Variants in CSMD1 observed in about 807,000 individuals in gnomAD.
CSMD1 encodes CUB and sushi domain-containing protein 1.
CSMD1 carries 213 observed loss-of-function variants against 417.5 expected under a neutral mutation model. The observed-to-expected ratio is 0.51, with a 90% confidence interval of 0.46 to 0.57. CSMD1 has a LOEUF of 0.57. Ranked by LOEUF, CSMD1 falls within the 20% of genes least tolerant of loss-of-function variation. The pLI is 0.00. For synonymous variants in CSMD1, 2,862 were observed against 1,736.8 expected, an observed-to-expected ratio of 1.65 and a Z score of -16.11; for missense variants, 6,923 against 4,529.7, an observed-to-expected ratio of 1.53 and a Z score of -15.17.
chr8:4,192,348 A>C (rs1230686144), intron 3 of CSMD1, among the ~76,000 whole-genome samples: 1 of 152,172 alleles, frequency 6.6e-6, no homozygotes, highest in Non-Finnish European at 1.5e-5. Context: ...TATAATCAGC[A>C]GTTCTTGGAT....
At chr8:4,709,687 GT>G (rs1406481294) in intron 1 of CSMD1, among the ~76,000 whole-genome samples, 12 of 152,274 alleles carry the variant, frequency 7.9e-5, no homozygotes, top group Admixed American at 2.6e-4. Context: ...TACTCTGAAG[GT>G]TTTCCACAGC....
At chr8:3,420,560 C>T (rs1044763624) in intron 12 of CSMD1, among the ~76,000 whole-genome samples, 1 of 151,284 alleles carries the variant, frequency 6.6e-6, no homozygotes, top group African/African-American at 2.4e-5. Flanking sequence ...CAGAAATGCT[C>T]TGTACTATCT....
rs1348374599 is a variant in CSMD1, at chr8:4,515,180, ACTTCT to A, written c.303-95120_303-95116del. 2.0e-5 allele frequency among the ~76,000 whole-genome samples: 3 copies of A among 152,306 alleles called. 1 individual carries two copies. The highest frequency in any genetic ancestry group is 7.2e-5 in the African/African-American group (3 of 41,570). On this transcript the variant is annotated intron_variant, in intron 2 of 69. Transcript: ENST00000635120. ...TGTCTGAGTTTAGGAACTGCTTCTA[ACTTCT>A]CTTCATTAAGTAGTTAAAAAATATT...
chr8:3,692,088 C>T (rs963702366), intron 7 of CSMD1, among the ~76,000 whole-genome samples: 9 of 152,184 alleles, frequency 5.9e-5, no homozygotes, highest in Non-Finnish European at 1.5e-5. Context: ...TCGCAATCAT[C>T]CTCTGACTCA....
intron 22 of CSMD1, among the ~76,000 whole-genome samples, chr8:3,347,186 G>C (rs557623199): frequency 6.6e-6 from 1 of 152,364 alleles, no homozygotes; most frequent in East Asian, 1.9e-4. Context: ...CCGCGGGTTG[G>C]ACAAGATAGT....
chr8:3,725,729 C>T (rs1802450108), intron 6 of CSMD1, among the ~76,000 whole-genome samples: 1 of 152,176 alleles, frequency 6.6e-6, no homozygotes, highest in South Asian at 2.1e-4. Context: ...GGGCCACATA[C>T]CAACTGCTGT....
intron 26 of CSMD1, among the ~76,000 whole-genome samples, chr8:3,246,510 C>G (rs1799889761): frequency 6.6e-6 from 1 of 152,020 alleles, no homozygotes; most frequent in Non-Finnish European, 1.5e-5. Context: ...CTCACTCTGT[C>G]ACCCAGGCTG....
At chr8:3,973,600 A>G (rs1813223618) in intron 5 of CSMD1, among the ~76,000 whole-genome samples, 1 of 152,222 alleles carries the variant, frequency 6.6e-6, no homozygotes, top group South Asian at 2.1e-4. Context: ...AAAGGGAAAG[A>G]GAAACAATTT....
chr8:3,669,566 T>C (rs1798880835), intron 7 of CSMD1, among the ~76,000 whole-genome samples: 1 of 152,160 alleles, frequency 6.6e-6, no homozygotes, highest in Admixed American at 6.5e-5. Context: ...AGGAGGGGAA[T>C]GTAGCCTGAA....
intron 23 of CSMD1, among the ~76,000 whole-genome samples, chr8:3,336,802 C>G (rs548733104): frequency 2.0e-4 from 31 of 152,242 alleles, no homozygotes; most frequent in African/African-American, 6.5e-4. Context: ...GTGTGGGCTT[C>G]CAGGACAGGC....
intron 5 of CSMD1, among the ~76,000 whole-genome samples, chr8:3,976,442 T>C (rs1447347235): frequency 6.6e-6 from 1 of 152,204 alleles, no homozygotes. Flanking sequence ...CAGTTTCCTT[T>C]TGTTTATTAA....
intron 1 of CSMD1, among the ~76,000 whole-genome samples, chr8:4,974,668 G>A (rs1810442962): frequency 6.6e-6 from 1 of 152,084 alleles, no homozygotes; most frequent in Admixed American, 6.6e-5. Flanking sequence ...TACAAATAAT[G>A]GTTAGACTCA....
intron 3 of CSMD1, among the ~76,000 whole-genome samples, chr8:4,405,004 G>C (rs7828233): frequency 1.3e-5 from 2 of 152,106 alleles, no homozygotes. Context: ...AAGGCTAAAA[G>C]CTAAGTAATA....
At chr8:4,499,161 A>C (rs1802126546) in intron 2 of CSMD1, among the ~76,000 whole-genome samples, 1 of 152,224 alleles carries the variant, frequency 6.6e-6, no homozygotes, top group African/African-American at 2.4e-5. Flanking sequence ...CAACAGGAAG[A>C]TGCCATCAAA....
At chr8:3,692,617 G>C (rs1267598065) in intron 7 of CSMD1, among the ~76,000 whole-genome samples, 3 of 152,000 alleles carry the variant, frequency 2.0e-5, no homozygotes, top group Non-Finnish European at 2.9e-5. Flanking sequence ...ATTTTTCGTA[G>C]AGGTGGGGTT....
At chr8:4,965,531 C>A (rs1585422233) in intron 1 of CSMD1, among the ~76,000 whole-genome samples, 1 of 152,296 alleles carries the variant, frequency 6.6e-6, no homozygotes, top group East Asian at 1.9e-4. Flanking sequence ...GCATGTGGCC[C>A]TGGCCAAACT....
chr8:4,074,387 T>A (rs1354203643), intron 3 of CSMD1, among the ~76,000 whole-genome samples: 1 of 152,150 alleles, frequency 6.6e-6, no homozygotes, highest in African/African-American at 2.4e-5. Context: ...GTATTTTCAA[T>A]GTCTATCTCA....
chr8:3,872,994 C>T (rs1805582971), intron 5 of CSMD1, among the ~76,000 whole-genome samples: 4 of 152,034 alleles, frequency 2.6e-5, no homozygotes, highest in African/African-American at 9.6e-5. Context: ...AAATCAAAAC[C>T]ACAGTGAGAT....
intron 2 of CSMD1, among the ~76,000 whole-genome samples, chr8:4,581,626 G>C (rs1387701857): frequency 6.6e-6 from 1 of 152,170 alleles, no homozygotes; most frequent in Non-Finnish European, 1.5e-5. Flanking sequence ...TGATTCCTCA[G>C]TGTTAAAAGA....
Sources: allele counts gnomAD v4.1 joint callset (sites outside exome capture counted in the v4.1 genomes callset), GRCh38; gene constraint gnomAD v4.1.1; transcripts MANE v1.5; gene names NCBI Gene and HGNC (gene_info 2026-07-23, HGNC 2026-07-21).